The following PCDH11X variants were observed in gnomAD, a reference collection of about 807,000 sequenced individuals.
The protein encoded by PCDH11X is protocadherin-11 X-linked.
PCDH11X carries 18 observed loss-of-function variants against 53.3 expected under a neutral mutation model. The ratio of observed to expected loss-of-function variants is 0.34; its 90% CI spans 0.23 to 0.50. PCDH11X has a LOEUF of 0.50. Ranked by LOEUF, PCDH11X falls within the 20% of genes least tolerant of loss-of-function variation. The pLI is 0.98. For missense variants in PCDH11X, 570 were observed against 1,032.4 expected (o/e 0.55, Z 6.14); for synonymous variants, 279 against 393.3 (o/e 0.71, Z 3.44).
At chrX:92,397,579 T>TA (rs1198208628) in intron 9 of PCDH11X, among the ~76,000 whole-genome samples, 1 of 108,136 alleles carries the variant, frequency 9.2e-6, no homozygotes, top group Admixed American at 1.0e-4. Context: ...CAGAGGTACA[T>TA]ACATGTCTTC....
chrX:92,220,734 A>G (rs894832367), intron 7 of PCDH11X, among the ~76,000 whole-genome samples: 4 of 108,998 alleles, frequency 3.7e-5, no homozygotes, highest in African/African-American at 1.3e-4. Flanking sequence ...ATGCTGCTAT[A>G]AAGACACATG....
At chrX:92,519,426 GATTAA>G (rs1176939096) in intron 10 of PCDH11X, among the ~76,000 whole-genome samples, 1 of 106,751 alleles carries the variant, frequency 9.4e-6, no homozygotes, top group African/African-American at 3.4e-5. Context: ...TTTACTTTAT[GATTAA>G]ATTAATATCA....
At chrX:92,575,863 A>G (rs1387773481) in intron 10 of PCDH11X, among the ~76,000 whole-genome samples, 2 of 88,615 alleles carry the variant, frequency 2.3e-5, no homozygotes, top group African/African-American at 8.2e-5. Context: ...GACAAAAACT[A>G]GTTGGTCTTC....
intron 10 of PCDH11X, among the ~76,000 whole-genome samples, chrX:92,568,722 T>G (rs1016229591): frequency 9.8e-5 from 10 of 101,829 alleles, no homozygotes; most frequent in Non-Finnish European, 1.6e-4. Context: ...AGAGGTAGTG[T>G]ACAACCTGAA....
At chrX:91,995,666 GT>G (rs1398284755) in intron 6 of PCDH11X, among the ~76,000 whole-genome samples, 1 of 110,589 alleles carries the variant, frequency 9.0e-6, no homozygotes, top group African/African-American at 3.3e-5. Context: ...CTATTCTGAG[GT>G]TTTTGTGGTT....
intron 8 of PCDH11X, among the ~76,000 whole-genome samples, chrX:92,345,092 A>G (rs1425768839): frequency 9.0e-6 from 1 of 110,920 alleles, no homozygotes. Flanking sequence ...GTTCTTTTCT[A>G]CTTGTCTTGA....
chrX:92,206,473 C>T (rs1240041758), intron 7 of PCDH11X, among the ~76,000 whole-genome samples: 1 of 111,006 alleles, frequency 9.0e-6, no homozygotes, highest in African/African-American at 3.3e-5. Flanking sequence ...AATTTAGATG[C>T]CAATTAATTA....
chrX:92,620,540 A>G lies in PCDH11X; in HGVS notation c.*1600A>G, dbSNP rs1347524591. The G allele has an allele frequency of 1.8e-5, 2 of 110,706 alleles. No individual in the cohort carries two copies. The highest frequency in any genetic ancestry group is 3.8e-5 in the Non-Finnish European group (2 of 52,771). The allele number at this position is 110,706 out of a possible 1,213,427, so 9.1% of individuals were successfully genotyped here. A position where few individuals can be genotyped will look rare whatever the true frequency, so the allele number is the denominator to read the frequency against. ...AACTTAGACATAGATTTTGTAATGTATAACTTGATATTTAATTTATGATTA... is the reference window on the plus strand; with the variant it reads ...AACTTAGACATAGATTTTGTAATGTGTAACTTGATATTTAATTTATGATTA... On this transcript the variant is annotated 3_prime_UTR_variant, in exon 11 of 11. Coordinates refer to ENST00000682573, the MANE Select transcript of PCDH11X (RefSeq NM_032968.5).
intron 9 of PCDH11X, among the ~76,000 whole-genome samples, chrX:92,399,037 TAA>T (rs1040583570): frequency 9.3e-6 from 1 of 107,120 alleles, no homozygotes; most frequent in Non-Finnish European, 1.9e-5. Flanking sequence ...ACTAAAAATA[TAA>T]AAAATTAGCC....
At chrX:92,526,182 A>T (rs182012788) in intron 10 of PCDH11X, among the ~76,000 whole-genome samples, 35 of 111,241 alleles carry the variant, frequency 3.1e-4, no homozygotes, top group Non-Finnish European at 1.7e-4. Context: ...AACATTTGGT[A>T]TATGGTTCCA....
intron 6 of PCDH11X, among the ~76,000 whole-genome samples, chrX:92,189,595 G>GA (rs2066157720): frequency 9.0e-6 from 1 of 111,571 alleles, no homozygotes; most frequent in Non-Finnish European, 1.9e-5. Flanking sequence ...TGGGATTGCT[G>GA]GAGCAAATGG....
chrX:92,331,043 C>G (rs1445701204), intron 8 of PCDH11X, among the ~76,000 whole-genome samples: 2 of 100,548 alleles, frequency 2.0e-5, no homozygotes, highest in African/African-American at 7.2e-5. Context: ...ATATGTTGTG[C>G]ATTTTAAATA....
rs192921231 is a variant in PCDH11X, at chrX:92,340,845, C to T, written c.3145-46890C>T. Among the ~76,000 whole-genome samples the T allele has an allele frequency of 2.1e-4, 24 of 112,215 alleles. 1 individual carries two copies. The highest frequency in any genetic ancestry group is 2.0e-3 in the Admixed American group (21 of 10,622). ...TACAAATCTCTCTGGCAAGTGGTTG[C>T]TCCACCACCTGCTTGAATTCCTCTC... On this transcript the variant is annotated intron_variant, in intron 8 of 10. Coordinates refer to ENST00000682573, the MANE Select transcript of PCDH11X (RefSeq NM_032968.5).
At chrX:92,440,838 G>A (rs1278328232) in intron 9 of PCDH11X, among the ~76,000 whole-genome samples, 1 of 111,605 alleles carries the variant, frequency 9.0e-6, no homozygotes, top group Non-Finnish European at 1.9e-5. Context: ...CTGGGTGACA[G>A]GCAGAGGTTG....
chrX:92,010,515 G>A (rs1447481550), intron 6 of PCDH11X, among the ~76,000 whole-genome samples: 7 of 110,505 alleles, frequency 6.3e-5, no homozygotes, highest in South Asian at 7.7e-4. Context: ...TGACCGGTAC[G>A]TAGGTACTGT....
chrX:92,374,746 C>T (rs1400023953), intron 8 of PCDH11X, among the ~76,000 whole-genome samples: 1 of 110,901 alleles, frequency 9.0e-6, no homozygotes, highest in African/African-American at 3.3e-5. Context: ...ACAAATGTTA[C>T]ACTGTTGCCA....
intron 8 of PCDH11X, among the ~76,000 whole-genome samples, chrX:92,374,785 A>AGCC (rs2148556628): frequency 9.0e-6 from 1 of 110,682 alleles, no homozygotes; most frequent in South Asian, 3.8e-4. Flanking sequence ...AATTCAATTG[A>AGCC]GCCAGGTTTT....
chrX:91,924,114 G>C (rs2147825011), intron 6 of PCDH11X, among the ~76,000 whole-genome samples: 1 of 109,317 alleles, frequency 9.1e-6, no homozygotes, highest in South Asian at 4.1e-4. Flanking sequence ...TTAATCCCTG[G>C]GACCTGTGAA....
chrX:92,324,311 A>G (rs1179831966), intron 8 of PCDH11X, among the ~76,000 whole-genome samples: 2 of 111,488 alleles, frequency 1.8e-5, no homozygotes, highest in African/African-American at 6.5e-5. Flanking sequence ...AAACCTGACA[A>G]CCTGTTGCTG....
Sources: allele counts gnomAD v4.1 joint callset (sites outside exome capture counted in the v4.1 genomes callset), GRCh38; gene constraint gnomAD v4.1.1; transcripts MANE v1.5; gene names NCBI Gene and HGNC (gene_info 2026-07-23, HGNC 2026-07-21).